STRAP: variants seen among roughly 807,000 people sequenced by gnomAD.
STRAP encodes serine-threonine kinase receptor-associated protein.
STRAP carries 16 observed loss-of-function variants against 47.0 expected under a neutral mutation model. The observed-to-expected ratio is 0.34, with a 90% CI of 0.23 to 0.52. The LOEUF is 0.52. STRAP is among the 20% of genes least tolerant of loss of function. The probability of loss-of-function intolerance (pLI) is 0.96; values close to 1 mark genes in which losing one functional copy is unlikely to be tolerated. For missense variants in STRAP, 293 were observed against 420.0 expected, an observed-to-expected ratio of 0.70 and a Z score of 2.64; for synonymous variants, 130 against 142.7, an observed-to-expected ratio of 0.91 and a Z score of 0.63.
rs1948064149 is a variant in STRAP, at chr12:15,896,887, T to G, written c.639-995T>G. On this transcript the variant is annotated intron_variant, in intron 6 of 9. Coordinates refer to ENST00000419869, the MANE Select transcript of STRAP (RefSeq NM_007178.4). This position sits in a 1 kb window ranked among gnomAD's most constrained non-coding sequence, Gnocchi z 4.1. ...ATTTGACCAGTGTCTTAACCTTGTG[T>G]CTAAAGGGCTAACTGGGAGAAAGAA... Among the ~76,000 whole-genome samples, 1 of 152,194 alleles carries G rather than the reference T, an allele frequency of 6.6e-6. No homozygotes were observed. Among genetic ancestry groups the G allele is most frequent in the Non-Finnish European group, 1.5e-5 (1 of 68,038 alleles).
Position 15,889,631 on chromosome 12 carries a change from G to A in STRAP, c.249-297G>A, listed in dbSNP as rs113643860. 1.2e-4 allele frequency among the ~76,000 whole-genome samples: 19 copies of A among 152,244 alleles called. 1 individual carries two copies. The highest frequency in any genetic ancestry group is 4.6e-4 in the African/African-American group (19 of 41,548). On this transcript the variant is annotated intron_variant, in intron 2 of 9. Transcript: ENST00000419869. ...CTGTCAGCTAAAATAAAAGTAAGGA[G>A]GATGGGTTGGTTCATGAATCTTACT...
At chr12:15,884,193 G>T (rs1305385928) in intron 2 of STRAP, among the ~76,000 whole-genome samples, 1 of 152,178 alleles carries the variant, frequency 6.6e-6, no homozygotes, top group Non-Finnish European at 1.5e-5. Context: ...CTTATATCTA[G>T]ATTATCATCA....
rs1948001930 is a variant in STRAP, at chr12:15,890,074, A to T, written c.330+65A>T. On this transcript the variant is annotated intron_variant, in intron 3 of 9. Coordinates refer to ENST00000419869, the MANE Select transcript of STRAP (RefSeq NM_007178.4). This position sits in a 1 kb window ranked among gnomAD's most constrained non-coding sequence, Gnocchi z 4.5. ...TGGTACATAGTGTGATAATGCTTTTATACTTGATTGGTGTGTATATTTGAT... is the reference window on the plus strand; with the variant it reads ...TGGTACATAGTGTGATAATGCTTTTTTACTTGATTGGTGTGTATATTTGAT... 1.5e-6 allele frequency: 2 copies of T among 1,345,102 alleles called. No homozygotes were observed. Among genetic ancestry groups the T allele is most frequent in the Non-Finnish European group, 2.1e-6 (2 of 937,440 alleles). The allele number at this position is 1,345,102 out of a possible 1,614,324, so 83.3% of individuals were successfully genotyped here. A position where few individuals can be genotyped will look rare whatever the true frequency, so the allele number is the denominator to read the frequency against.
At chr12:15,884,692 G>C (rs918756169) in intron 2 of STRAP, among the ~76,000 whole-genome samples, 1 of 152,118 alleles carries the variant, frequency 6.6e-6, no homozygotes, top group Non-Finnish European at 1.5e-5. Flanking sequence ...GAACTACTGT[G>C]CCTGGTACAG....
At chr12:15,884,056 T>G (rs982188434) in intron 2 of STRAP, among the ~76,000 whole-genome samples, 2 of 152,212 alleles carry the variant, frequency 1.3e-5, no homozygotes, top group African/African-American at 4.8e-5. Flanking sequence ...GTTAACTGGC[T>G]TTAGGCATCA....
intron 2 of STRAP, 146 bp downstream of exon 2, chr12:15,883,822 G>C: frequency 9.7e-7 from 1 of 1,034,542 alleles, no homozygotes; most frequent in South Asian, 1.7e-5. Context: ...AAATTCCATC[G>C]TGGTCCATCG....
Position 15,896,939 on chromosome 12 carries a change from T to C in STRAP, c.639-943T>C, listed in dbSNP as rs1276607989. Among the ~76,000 whole-genome samples, 1 of 152,188 alleles carries C rather than the reference T, an allele frequency of 6.6e-6. No homozygotes were observed. The highest frequency in any genetic ancestry group is 2.4e-5 in the African/African-American group (1 of 41,434). ...AGGCGGTAAAATTGGAGGAGAGCAA[T>C]TAAGCAATGTCAAGGAGTTTATACA... is the stretch of plus-strand genomic sequence containing the variant. On this transcript the variant is annotated intron_variant, in intron 6 of 9. Coordinates refer to ENST00000419869, the MANE Select transcript of STRAP (RefSeq NM_007178.4). This position sits in a 1 kb window ranked among gnomAD's most constrained non-coding sequence, Gnocchi z 4.1.
At chr12:15,893,125 G>T in intron 4 of STRAP, among the ~76,000 whole-genome samples, 1 of 152,140 alleles carries the variant, frequency 6.6e-6, no homozygotes, top group Non-Finnish European at 1.5e-5. Context: ...ACAGCAGTGA[G>T]GGTTTTTTGA....
rs756251147 is a variant in STRAP, at chr12:15,890,676, A to G, written c.403+7A>G. 9.4e-6 allele frequency: 15 copies of G among 1,598,894 alleles called. No individual in the cohort carries two copies. In the East Asian group the frequency reaches 2.9e-4, roughly 31 times the overall value. The stretch of plus-strand genomic sequence containing the variant: ...TTGAACAAACCTGAAGCAGGTAAGC[A>G]TAATTTAAACATCAGCTTCTAGTTT... On this transcript the variant is annotated splice_region_variant and intron_variant, in intron 4 of 9. Transcript: ENST00000419869. This position sits in a 1 kb window ranked among gnomAD's most constrained non-coding sequence, Gnocchi z 4.5.
intron 7 of STRAP, among the ~76,000 whole-genome samples, chr12:15,899,591 A>G (rs1014818419): frequency 1.3e-5 from 2 of 152,198 alleles, no homozygotes; most frequent in Admixed American, 6.5e-5. Flanking sequence ...CTTTAAATCT[A>G]CTTTCTATAG....
intron 2 of STRAP, among the ~76,000 whole-genome samples, chr12:15,885,211 CAG>C (rs1947960066): frequency 9.8e-6 from 1 of 102,382 alleles, no homozygotes; most frequent in Non-Finnish European, 1.7e-5. Flanking sequence ...TTTTTAAAGA[CAG>C]AGTCTTGCTA....
At chr12:15,888,718 T>C (rs191281388) in intron 2 of STRAP, among the ~76,000 whole-genome samples, 1 of 152,180 alleles carries the variant, frequency 6.6e-6, no homozygotes, top group Non-Finnish European at 1.5e-5. Context: ...TGCTTTTTTC[T>C]GAGTTTTTAT....
chr12:15,903,061 T>C lies in STRAP; in HGVS notation c.*83T>C, dbSNP rs1948118526. 7.2e-7 allele frequency: 1 copy of C among 1,392,580 alleles called. No homozygotes were observed. The highest frequency in any genetic ancestry group is 2.5e-5 in the Admixed American group (1 of 40,184). 86.3% of individuals were successfully genotyped at this position (1,392,580 alleles called of 1,614,324 possible). A position where few individuals can be genotyped will look rare whatever the true frequency, so the allele number is the denominator to read the frequency against. ...GCATCAGCCTTCCAGAGTTACTGTC[T>C]GCTTAAGGCAGAAACAGCAGTAAAT... On this transcript the variant is annotated 3_prime_UTR_variant, in exon 10 of 10. Coordinates refer to ENST00000419869, the MANE Select transcript of STRAP (RefSeq NM_007178.4).
chr12:15,883,045 CCT>C (rs1674615271), intron 1 of STRAP: 7 of 1,534,612 alleles, frequency 4.6e-6, no homozygotes, highest in Non-Finnish European at 6.1e-6. Context: ...CCAACTAAGA[CCT>C]CTCTCCTTAT....
intron 1 of STRAP, chr12:15,883,035 C>T: frequency 6.5e-7 from 1 of 1,531,468 alleles, no homozygotes; most frequent in Non-Finnish European, 8.7e-7. Flanking sequence ...ACTATTACCT[C>T]CAACTAAGAC....
At chr12:15,884,380 T>A (rs1273483415) in intron 2 of STRAP, among the ~76,000 whole-genome samples, 1 of 152,200 alleles carries the variant, frequency 6.6e-6, no homozygotes, top group African/African-American at 2.4e-5. Context: ...GTCACTTCTC[T>A]ACTAATGATC....
intron 9 of STRAP, among the ~76,000 whole-genome samples, chr12:15,901,591 T>C (rs1224074994): frequency 6.6e-6 from 1 of 152,176 alleles, no homozygotes; most frequent in Non-Finnish European, 1.5e-5. Context: ...TGGAGAGTTT[T>C]ATACTAAGAG....
Position 15,898,029 on chromosome 12 carries a change from C to G in STRAP, c.775+11C>G. 1 of 1,594,906 alleles carries G rather than the reference C, an allele frequency of 6.3e-7. No homozygotes were observed. The highest frequency in any genetic ancestry group is 8.5e-7 in the Non-Finnish European group (1 of 1,172,394). On this transcript the variant is annotated intron_variant, in intron 7 of 9. Transcript: ENST00000419869. Reference sequence around the variant, plus strand: ...GTGGAGAAGAATTAGGTGAGTTGTCCCCTTACAGTGATGTGGTTACCTTTA... The same window carrying G: ...GTGGAGAAGAATTAGGTGAGTTGTCGCCTTACAGTGATGTGGTTACCTTTA...
intron 2 of STRAP, 38 bp downstream of exon 2, chr12:15,883,714 G>C (rs1157176098): frequency 1.2e-6 from 2 of 1,605,672 alleles, no homozygotes; most frequent in Non-Finnish European, 1.7e-6. Context: ...GGTGTTCTCT[G>C]TAGCTTGTGT....
Sources: gnomAD v4.1 joint callset for allele counts (sites outside exome capture counted in the v4.1 genomes callset) on GRCh38, gnomAD v4.1.1 for gene constraint, Gnocchi (gnomAD v3.1) non-coding constraint, MANE v1.5 for transcripts, NCBI Gene and HGNC (gene_info 2026-07-23, HGNC 2026-07-21) for gene names.